The following GAB2 variants were observed in gnomAD, a reference collection of about 807,000 sequenced individuals.
The protein encoded by GAB2 is GRB2 associated binding protein 2, also known as GRB2-associated-binding protein 2.
In GAB2, 26 loss-of-function variants were observed where a neutral mutation model predicts 65.5. The observed-to-expected ratio is 0.40, with a 90% confidence interval of 0.29 to 0.55. The LOEUF (loss-of-function observed/expected upper bound fraction) is 0.55, where lower values mean the gene tolerates loss of function less well. Among genes scored for constraint, GAB2 ranks in the 20% least tolerant of loss-of-function variants. GAB2 has a pLI of 0.53. For missense variants in GAB2, 884 were observed against 875.8 expected, an observed-to-expected ratio of 1.01 and a Z score of -0.12; for synonymous variants, 321 against 329.6, an observed-to-expected ratio of 0.97 and a Z score of 0.28.
intron 1 of GAB2, among the ~76,000 whole-genome samples, chr11:78,288,094 T>C (rs1866537691): frequency 6.6e-6 from 1 of 150,668 alleles, no homozygotes; most frequent in South Asian, 2.1e-4. Context: ...TATAGAAAAA[T>C]CGTGGCTGGG....
intron 8 of GAB2, 92 bp from the exon 9 acceptor site, chr11:78,220,536 C>A: frequency 8.9e-7 from 1 of 1,118,374 alleles, no homozygotes. Flanking sequence ...AACACTGTTT[C>A]CCTGAGCCCT....
chr11:78,290,753 C>G (rs942015813), intron 1 of GAB2, among the ~76,000 whole-genome samples: 1 of 152,164 alleles, frequency 6.6e-6, no homozygotes, highest in Non-Finnish European at 1.5e-5. Context: ...AGTTACTCAA[C>G]ATACTCAAGT....
intron 1 of GAB2, among the ~76,000 whole-genome samples, chr11:78,320,929 T>C (rs1855712119): frequency 6.6e-6 from 1 of 151,928 alleles, no homozygotes; most frequent in Non-Finnish European, 1.5e-5. Context: ...TGGTGGGCAA[T>C]GGAGAGAGAG....
chr11:78,388,244 G>C (rs1217384006), intron 1 of GAB2: 1 of 151,968 alleles, frequency 6.6e-6, no homozygotes, highest in African/African-American at 2.4e-5. Flanking sequence ...GGCCAGACTG[G>C]TCCTGAAGTC....
At chr11:78,291,619 G>A (rs1344393969) in intron 1 of GAB2, among the ~76,000 whole-genome samples, 2 of 128,638 alleles carry the variant, frequency 1.6e-5, no homozygotes, top group Admixed American at 9.1e-5. Context: ...TTGCCCAGAC[G>A]GGAGTGCAGT....
intron 3 of GAB2, among the ~76,000 whole-genome samples, chr11:78,234,170 T>TC (rs1864925124): frequency 6.6e-6 from 1 of 152,128 alleles, no homozygotes; most frequent in Non-Finnish European, 1.5e-5. Flanking sequence ...AGTCTTGACC[T>TC]CCCCCAGGCT....
intron 1 of GAB2, among the ~76,000 whole-genome samples, chr11:78,348,883 A>G (rs879607800): frequency 6.6e-6 from 1 of 152,262 alleles, no homozygotes; most frequent in African/African-American, 2.4e-5. Flanking sequence ...ACATGGATAC[A>G]TGCAACAACA....
At chr11:78,267,863 A>G (rs951267231) in intron 2 of GAB2, among the ~76,000 whole-genome samples, 3 of 149,804 alleles carry the variant, frequency 2.0e-5, no homozygotes, top group Middle Eastern at 3.3e-3. Flanking sequence ...GTCTCAAAAA[A>G]AAAAAAAAAA....
At chr11:78,348,158 A>G (rs1856219915) in intron 1 of GAB2, among the ~76,000 whole-genome samples, 1 of 152,152 alleles carries the variant, frequency 6.6e-6, no homozygotes, top group South Asian at 2.1e-4. Context: ...CTCAGCAGTG[A>G]CAGAAGCAGA....
At position 78,278,123 on chromosome 11, in the gene GAB2, G is replaced by A. The variant is rs190708173; in HGVS notation, c.376+2478C>T. Among the ~76,000 whole-genome samples, 23 of 149,984 alleles carry A rather than the reference G, an allele frequency of 1.5e-4. No individual in the cohort carries two copies. The East Asian group carries it at 2.6e-3, about 17-fold the overall frequency. On this transcript the variant is annotated intron_variant, in intron 2 of 9. Coordinates refer to ENST00000361507, the MANE Select transcript of GAB2 (RefSeq NM_080491.3). The stretch of plus-strand genomic sequence containing the variant: ...TCACTGATGTTGCCCAGGCTAGAGT[G>A]CAATGGCATGGTCTTGGCTCACTGC...
intron 3 of GAB2, among the ~76,000 whole-genome samples, chr11:78,249,848 G>T (rs1239370469): frequency 6.7e-6 from 1 of 150,276 alleles, no homozygotes; most frequent in South Asian, 2.1e-4. Context: ...TAAATTGACT[G>T]TTTTTTTTTG....
chr11:78,410,160 A>G (rs187169474), intron 1 of GAB2, among the ~76,000 whole-genome samples: 15 of 152,364 alleles, frequency 9.8e-5, no homozygotes, highest in Non-Finnish European at 7.3e-5. Flanking sequence ...ATAGCAGTAA[A>G]TGAATACATT....
intron 1 of GAB2, among the ~76,000 whole-genome samples, chr11:78,323,967 T>A (rs527904753): frequency 6.6e-6 from 1 of 151,912 alleles, no homozygotes; most frequent in African/African-American, 2.4e-5. Context: ...CTGGCTAATT[T>A]TTGTATTTTT....
At chr11:78,248,093 T>C (rs551004706) in intron 3 of GAB2, among the ~76,000 whole-genome samples, 1 of 152,264 alleles carries the variant, frequency 6.6e-6, no homozygotes, top group Admixed American at 6.5e-5. Context: ...ATAATAGTAA[T>C]GTATTAATAT....
intron 1 of GAB2, among the ~76,000 whole-genome samples, chr11:78,293,917 T>C (rs919006490): frequency 5.6e-5 from 6 of 107,786 alleles, no homozygotes; most frequent in African/African-American, 1.7e-4. Flanking sequence ...AGTCTTTTTT[T>C]ATTTTTATTT....
At chr11:78,220,096 G>A (rs560842696) in intron 9 of GAB2, among the ~76,000 whole-genome samples, 1 of 152,324 alleles carries the variant, frequency 6.6e-6, no homozygotes, top group South Asian at 2.1e-4. Flanking sequence ...TGGGCTGACT[G>A]ATGAGGTTCT....
intron 1 of GAB2, among the ~76,000 whole-genome samples, chr11:78,414,043 G>A (rs1175143317): frequency 2.7e-5 from 4 of 146,816 alleles, no homozygotes; most frequent in African/African-American, 5.1e-5. Flanking sequence ...AGCCCAGATC[G>A]TGCATTGCAC....
At chr11:78,385,440 T>C (rs939765153) in intron 1 of GAB2, among the ~76,000 whole-genome samples, 5 of 152,208 alleles carry the variant, frequency 3.3e-5, no homozygotes, top group South Asian at 2.1e-4. Context: ...TAATAAGCAC[T>C]TCATGACACA....
chr11:78,416,779 T>TAA (rs5792806), intron 1 of GAB2, among the ~76,000 whole-genome samples: 96 of 116,212 alleles, frequency 8.3e-4, no homozygotes, highest in African/African-American at 2.9e-3. Flanking sequence ...GGAGAGGGGT[T>TAA]AAAAAAAAAA....
Sources: gnomAD v4.1 joint callset for allele counts (sites outside exome capture counted in the v4.1 genomes callset) on GRCh38, gnomAD v4.1.1 for gene constraint, MANE v1.5 for transcripts, NCBI Gene and HGNC (gene_info 2026-07-23, HGNC 2026-07-21) for gene names.